Variants in ATG4C observed in about 807,000 individuals in gnomAD.
The protein encoded by ATG4C is cysteine protease ATG4C.
Under a neutral mutation model 57.6 loss-of-function variants are expected in ATG4C, and 56 were observed. The ratio of observed to expected loss-of-function variants is 0.97; its 90% CI spans 0.78 to 1.21. The LOEUF (loss-of-function observed/expected upper bound fraction) is 1.21, where lower values mean the gene tolerates loss of function less well. Ranked by LOEUF, ATG4C falls within the 50% of genes most tolerant of loss-of-function variation. The pLI is 0.00. For missense variants in ATG4C, 595 were observed against 529.8 expected (o/e 1.12, Z -1.21); for synonymous variants, 157 against 174.1 (o/e 0.90, Z 0.78).
intron 10 of ATG4C, among the ~76,000 whole-genome samples, chr1:62,850,854 G>GTGTATATATA (rs1402010901): frequency 3.6e-5 from 3 of 84,120 alleles, no homozygotes; most frequent in Admixed American, 1.4e-4. Context: ...GTGTATGTAT[G>GTGTATATATA]TATATATATA....
chr1:62,813,981 T>G (rs1179458005), intron 3 of ATG4C, among the ~76,000 whole-genome samples: 3 of 152,156 alleles, frequency 2.0e-5, no homozygotes, highest in Admixed American at 2.0e-4. Flanking sequence ...TAGGAACGTT[T>G]TTACACTGTT....
At chr1:62,859,423 G>A (rs564823940) in intron 10 of ATG4C, among the ~76,000 whole-genome samples, 3 of 152,152 alleles carry the variant, frequency 2.0e-5, no homozygotes, top group African/African-American at 4.8e-5. Flanking sequence ...GTAAGTATTT[G>A]TGTATCTAAA....
intron 9 of ATG4C, among the ~76,000 whole-genome samples, chr1:62,840,558 C>T (rs879334983): frequency 1.3e-5 from 2 of 152,110 alleles, no homozygotes; most frequent in Non-Finnish European, 2.9e-5. Flanking sequence ...AGCATTTAAG[C>T]ATTAAAAAAA....
At chr1:62,792,119 C>T (rs1664295482) in intron 1 of ATG4C, among the ~76,000 whole-genome samples, 1 of 152,116 alleles carries the variant, frequency 6.6e-6, no homozygotes, top group Non-Finnish European at 1.5e-5. Context: ...GCCTCAGCCT[C>T]CTGAGTAGCT....
intron 10 of ATG4C, among the ~76,000 whole-genome samples, chr1:62,856,137 C>T (rs1666675152): frequency 1.3e-5 from 2 of 152,150 alleles, no homozygotes; most frequent in Admixed American, 1.3e-4. Flanking sequence ...ACACAGTTTC[C>T]CATGCCCATC....
chr1:62,799,117 C>G (rs1193093853), intron 1 of ATG4C, among the ~76,000 whole-genome samples: 1 of 152,138 alleles, frequency 6.6e-6, no homozygotes, highest in Non-Finnish European at 1.5e-5. Context: ...GAAAAACTCA[C>G]TATGTTGTCC....
At chr1:62,847,946 T>C (rs761856972) in intron 10 of ATG4C, among the ~76,000 whole-genome samples, 21 of 152,346 alleles carry the variant, frequency 1.4e-4, no homozygotes, top group South Asian at 1.0e-3. Context: ...AGCATCTCTA[T>C]GGAATAGTTC....
chr1:62,804,601 A>G (rs59318206), intron 2 of ATG4C, among the ~76,000 whole-genome samples: 5,857 of 152,174 alleles, frequency 0.038, 385 homozygotes, highest in African/African-American at 0.13. Context: ...AAGTTCGTGC[A>G]CTGATACCTC....
At chr1:62,813,406 A>C (rs1341588473) in intron 3 of ATG4C, among the ~76,000 whole-genome samples, 2 of 152,148 alleles carry the variant, frequency 1.3e-5, no homozygotes, top group African/African-American at 4.8e-5. Flanking sequence ...TATGCAGAAA[A>C]CTGAAACTGG....
At chr1:62,829,827 G>A (rs1665783760) in intron 7 of ATG4C, among the ~76,000 whole-genome samples, 1 of 151,940 alleles carries the variant, frequency 6.6e-6, no homozygotes, top group Non-Finnish European at 1.5e-5. Context: ...TCTGATTAAG[G>A]CAGAAGTTTT....
At position 62,816,541 on chromosome 1, in the gene ATG4C, C is replaced by T. The variant is rs753007552; in HGVS notation, c.161-34C>T. The T allele has an allele frequency of 3.4e-6, 5 of 1,466,996 alleles. No individual in the cohort carries two copies. The Admixed American group carries it at 8.0e-5, about 23-fold the overall frequency. 90.9% of individuals were successfully genotyped at this position (1,466,996 alleles called of 1,614,324 possible). A position where few individuals can be genotyped will look rare whatever the true frequency, so the allele number is the denominator to read the frequency against. On this transcript the variant is annotated intron_variant, in intron 3 of 10. Transcript: ENST00000317868. ...GTTTGTTACCATTATAGACATTTCT[C>T]TGGTTATCTTTAGACCGTATGTTTA...
intron 7 of ATG4C, among the ~76,000 whole-genome samples, chr1:62,832,617 A>G (rs1665878130): frequency 6.6e-6 from 1 of 152,172 alleles, no homozygotes; most frequent in Non-Finnish European, 1.5e-5. Context: ...TATTCATGCA[A>G]GCTCTGCCCT....
In ATG4C at chr1:62,847,856, A is replaced by G. The variant is rs146510056; in HGVS notation, c.1209+6309A>G. Reference sequence around the variant, plus strand: ...GTTGAGAGTGGAAAACTTGAAGGTCAGATGAGTATGATGAAGTCAGGTTTA... The same window carrying G: ...GTTGAGAGTGGAAAACTTGAAGGTCGGATGAGTATGATGAAGTCAGGTTTA... On this transcript the variant is annotated intron_variant, in intron 10 of 10. Coordinates refer to ENST00000317868, the MANE Select transcript of ATG4C (RefSeq NM_032852.4). 4.2e-3 allele frequency among the ~76,000 whole-genome samples: 647 copies of G among 152,334 alleles called. 6 individuals carry two copies. The highest frequency in any genetic ancestry group is 0.015 in the African/African-American group (619 of 41,560).
intron 4 of ATG4C, among the ~76,000 whole-genome samples, chr1:62,817,810 TATC>T (rs1665331612): frequency 6.6e-6 from 1 of 152,238 alleles, no homozygotes; most frequent in African/African-American, 2.4e-5. Flanking sequence ...AATTTTAAGA[TATC>T]ATATTTGATT....
chr1:62,811,302 T>C (rs1055631670), intron 3 of ATG4C, among the ~76,000 whole-genome samples: 7 of 152,220 alleles, frequency 4.6e-5, no homozygotes, highest in African/African-American at 1.2e-4. Flanking sequence ...ATTTTAACAA[T>C]GCTGAATCTG....
chr1:62,829,868 T>G (rs546247453), intron 7 of ATG4C, among the ~76,000 whole-genome samples: 20 of 152,310 alleles, frequency 1.3e-4, no homozygotes, highest in African/African-American at 3.1e-4. Context: ...AATAAAATTC[T>G]TCATTTTTTA....
Position 62,821,209 on chromosome 1 carries a change from G to C in ATG4C, c.796G>C (p.Val266Leu). The change falls in exon 6 of 11, where the codon GTT becomes CTT. Residue 266 changes from valine to leucine, a missense_variant and splice_region_variant. Physicochemically the swap from Val to Leu is conservative, Grantham distance 32. Coordinates refer to ENST00000317868, the MANE Select transcript of ATG4C (RefSeq NM_032852.4). ...ITIYVAQDCT[V>L]YNSDVIDKQS... ...TATTTATGTTGCACAAGATTGTACA[G>C]GTAAGGAATGTATATAATTCTAATC... The C allele has an allele frequency of 6.4e-7, 1 of 1,570,818 alleles. No individual in the cohort carries two copies.
chr1:62,828,026 A>C (rs1310979343), intron 6 of ATG4C, among the ~76,000 whole-genome samples: 1 of 152,174 alleles, frequency 6.6e-6, no homozygotes, highest in Admixed American at 6.5e-5. Context: ...TCCATGGTGT[A>C]TATGTACCAC....
chr1:62,830,554 A>G (rs1665809824), intron 7 of ATG4C, among the ~76,000 whole-genome samples: 1 of 152,088 alleles, frequency 6.6e-6, no homozygotes, highest in South Asian at 2.1e-4. Flanking sequence ...TATTCATTAG[A>G]TGGTCTCACT....
Sources: allele counts gnomAD v4.1 joint callset (sites outside exome capture counted in the v4.1 genomes callset), GRCh38; gene constraint gnomAD v4.1.1; transcripts MANE v1.5; gene names NCBI Gene and HGNC (gene_info 2026-07-23, HGNC 2026-07-21).